USH2A: variants seen among roughly 807,000 people sequenced by gnomAD.
The protein encoded by USH2A is usherin.
USH2A carries 443 observed loss-of-function variants against 538.9 expected under a neutral mutation model. That is an observed-to-expected ratio of 0.82 (90% CI 0.76 to 0.89). The LOEUF is 0.89. Among genes scored for constraint, USH2A ranks in the 40% least tolerant of loss-of-function variants. The pLI is 0.00. For synonymous variants in USH2A, 2,413 were observed against 2,273.5 expected (o/e 1.06, Z -1.75); for missense variants, 6,633 against 6,324.8 (o/e 1.05, Z -1.65).
chr1:216,047,628 T>C (rs999264650), intron 31 of USH2A, among the ~76,000 whole-genome samples: 7 of 152,126 alleles, frequency 4.6e-5, no homozygotes, highest in African/African-American at 1.7e-4. Flanking sequence ...TTCTGTTACA[T>C]ATCTTCAGTG....
intron 56 of USH2A, among the ~76,000 whole-genome samples, chr1:215,763,021 A>T (rs1661026191): frequency 6.6e-6 from 1 of 152,178 alleles, no homozygotes; most frequent in African/African-American, 2.4e-5. Context: ...CCCAGCATTT[A>T]TTGTGGATTG....
intron 64 of USH2A, among the ~76,000 whole-genome samples, chr1:215,658,578 G>A (rs114242578): frequency 0.013 from 1,912 of 152,268 alleles, 25 homozygotes; most frequent in South Asian, 0.045. Context: ...TTAAAAGAAG[G>A]CCTGTACACA....
chr1:216,161,079 T>C (rs1347697073), intron 21 of USH2A, among the ~76,000 whole-genome samples: 6 of 152,116 alleles, frequency 3.9e-5, no homozygotes, highest in Non-Finnish European at 5.9e-5. Context: ...AATTTTGTCT[T>C]TATATTTAAA....
rs1225176734 is a variant in USH2A, at chr1:215,669,930, C to T, written c.14133+1042G>A. Among the ~76,000 whole-genome samples the T allele has an allele frequency of 2.6e-5, 4 of 152,114 alleles. No homozygotes were observed. The South Asian group carries it at 8.3e-4, about 32-fold the overall frequency. ...TCATGTTATAATAAGCTTTTTAAGG[C>T]TCAGTTTCCTCTTTTAGAAAATTTC... On this transcript the variant is annotated intron_variant, in intron 64 of 71. Coordinates refer to ENST00000307340, the MANE Select transcript of USH2A (RefSeq NM_206933.4).
intron 16 of USH2A, among the ~76,000 whole-genome samples, chr1:216,205,100 C>T (rs1467668345): frequency 6.6e-6 from 1 of 152,078 alleles, no homozygotes; most frequent in Non-Finnish European, 1.5e-5. Context: ...GAAATCATGC[C>T]TCTGGCTTGA....
At chr1:216,384,081 A>AT (rs1313963762) in intron 3 of USH2A, among the ~76,000 whole-genome samples, 1 of 150,582 alleles carries the variant, frequency 6.6e-6, no homozygotes, top group Non-Finnish European at 1.5e-5. Context: ...TTAACCAATT[A>AT]TTTTTTTCTG....
intron 37 of USH2A, among the ~76,000 whole-genome samples, chr1:215,957,089 A>C (rs1667086368): frequency 6.6e-6 from 1 of 152,192 alleles, no homozygotes; most frequent in Admixed American, 6.5e-5. Flanking sequence ...AATGTGTTGG[A>C]AACTTACAGA....
chr1:215,834,980 A>G (rs7539243), intron 47 of USH2A, among the ~76,000 whole-genome samples: 100,971 of 151,000 alleles, frequency 0.67, 34,401 homozygotes, highest in African/African-American at 0.79. Flanking sequence ...ATTTCCATGA[A>G]GTTTTCTCCT....
intron 20 of USH2A, among the ~76,000 whole-genome samples, chr1:216,181,359 C>A (rs1380616236): frequency 2.6e-5 from 4 of 152,084 alleles, no homozygotes; most frequent in Admixed American, 2.6e-4. Flanking sequence ...TACCAGACAT[C>A]CTGATCCCCT....
chr1:215,710,780 T>G (rs2102698057), intron 61 of USH2A, among the ~76,000 whole-genome samples: 1 of 152,268 alleles, frequency 6.6e-6, no homozygotes, highest in East Asian at 1.9e-4. Context: ...ATGTAGACCC[T>G]TAATTTTCTG....
chr1:216,105,149 A>C (rs2032699949), intron 21 of USH2A, among the ~76,000 whole-genome samples: 1 of 152,092 alleles, frequency 6.6e-6, no homozygotes, highest in African/African-American at 2.4e-5. Context: ...TCATTTTCTT[A>C]ATATTTTAGA....
At chr1:216,044,557 T>C (rs1167303987) in intron 32 of USH2A, among the ~76,000 whole-genome samples, 1 of 152,154 alleles carries the variant, frequency 6.6e-6, no homozygotes, top group African/African-American at 2.4e-5. Flanking sequence ...CTCTGTGTTG[T>C]ACAGGAGATA....
At chr1:215,739,168 G>A (rs1236091684) in intron 60 of USH2A, among the ~76,000 whole-genome samples, 1 of 152,102 alleles carries the variant, frequency 6.6e-6, no homozygotes, top group Non-Finnish European at 1.5e-5. Flanking sequence ...TGTACTCAGA[G>A]GTATCAAACA....
chr1:215,817,692 C>T (rs1355940546), intron 47 of USH2A, among the ~76,000 whole-genome samples: 1 of 151,930 alleles, frequency 6.6e-6, no homozygotes, highest in Non-Finnish European at 1.5e-5. Context: ...TTCTCCTTTT[C>T]TCTTTCTTTC....
At chr1:216,187,366 G>A (rs1326829999) in intron 20 of USH2A, among the ~76,000 whole-genome samples, 1 of 151,740 alleles carries the variant, frequency 6.6e-6, no homozygotes, top group Non-Finnish European at 1.5e-5. Flanking sequence ...GTTCTGAATT[G>A]AGCATTCACA....
intron 40 of USH2A, among the ~76,000 whole-genome samples, chr1:215,892,853 G>A (rs1665242565): frequency 6.6e-6 from 1 of 152,100 alleles, no homozygotes; most frequent in African/African-American, 2.4e-5. Context: ...TGTTGGAATT[G>A]GAAGGACATT....
At chr1:215,993,873 C>T (rs554038264) in intron 34 of USH2A, among the ~76,000 whole-genome samples, 9 of 152,068 alleles carry the variant, frequency 5.9e-5, no homozygotes, top group Non-Finnish European at 1.3e-4. Flanking sequence ...TTAAGTATCA[C>T]TAATGTCAGA....
chr1:215,758,444 T>G (rs1660876732), intron 58 of USH2A, 151 bp downstream of exon 58: 2 of 895,576 alleles, frequency 2.2e-6, no homozygotes, highest in East Asian at 5.2e-5. Flanking sequence ...TCTATACACT[T>G]AGAAGTGTGG....
intron 30 of USH2A, among the ~76,000 whole-genome samples, chr1:216,068,207 T>C (rs537285666): frequency 4.7e-4 from 71 of 152,110 alleles, no homozygotes; most frequent in Non-Finnish European, 9.1e-4. Flanking sequence ...CAGAAGCCAG[T>C]TAAGTGAGGA....
Sources: allele counts gnomAD v4.1 joint callset (sites outside exome capture counted in the v4.1 genomes callset), GRCh38; gene constraint gnomAD v4.1.1; transcripts MANE v1.5; gene names NCBI Gene and HGNC (gene_info 2026-07-23, HGNC 2026-07-21).